OSBPL1A: variants seen among roughly 807,000 people sequenced by gnomAD.
OSBPL1A encodes oxysterol-binding protein-related protein 1.
A neutral mutation model predicts 137.1 loss-of-function variants in OSBPL1A; 80 were observed. The ratio of observed to expected loss-of-function variants is 0.58; its 90% confidence interval spans 0.49 to 0.70. OSBPL1A has a LOEUF of 0.70. Ranked by LOEUF, OSBPL1A falls within the 30% of genes least tolerant of loss-of-function variation. The pLI is 0.00. For missense variants in OSBPL1A, 970 were observed against 1,129.4 expected, an observed-to-expected ratio of 0.86 and a Z score of 2.02; for synonymous variants, 365 against 389.7, an observed-to-expected ratio of 0.94 and a Z score of 0.75.
At chr18:24,251,415 G>A (rs1211351953) in intron 15 of OSBPL1A, among the ~76,000 whole-genome samples, 4 of 152,314 alleles carry the variant, frequency 2.6e-5, no homozygotes, top group East Asian at 1.9e-4. Flanking sequence ...GAGAGAGAGA[G>A]ACTCTATTTG....
intron 15 of OSBPL1A, among the ~76,000 whole-genome samples, chr18:24,275,900 TG>T (rs1180187546): frequency 3.9e-5 from 6 of 152,088 alleles, no homozygotes; most frequent in Admixed American, 1.3e-4. Flanking sequence ...GCTAATTTTT[TG>T]TATTTTTAGT....
chr18:24,385,190 A>G lies in OSBPL1A; in HGVS notation c.-2-7655T>C, dbSNP rs566598730. ...AGGATGGTCTCTATCTCCTGACCTC[A>G]TGATCCGCCCGCCCCGGCCTCCCAA... On this transcript the variant is annotated intron_variant, in intron 1 of 27. Coordinates refer to ENST00000319481, the MANE Select transcript of OSBPL1A (RefSeq NM_080597.4). 3.5e-3 allele frequency among the ~76,000 whole-genome samples: 529 copies of G among 151,994 alleles called. 4 individuals are homozygous for G. Among genetic ancestry groups the G allele is most frequent in the African/African-American group, 0.012 (491 of 41,500 alleles).
At chr18:24,240,717 T>C (rs2088665975) in intron 15 of OSBPL1A, among the ~76,000 whole-genome samples, 2 of 152,194 alleles carry the variant, frequency 1.3e-5, no homozygotes, top group African/African-American at 2.4e-5. Flanking sequence ...ACTTTTTTTT[T>C]CTACTTTAGC....
intron 7 of OSBPL1A, among the ~76,000 whole-genome samples, chr18:24,323,011 C>G (rs930596928): frequency 2.0e-5 from 3 of 152,082 alleles, no homozygotes; most frequent in Non-Finnish European, 4.4e-5. Context: ...TGCCAATTCT[C>G]CTTAAATTAA....
chr18:24,318,665 A>G lies in OSBPL1A; in HGVS notation c.688-20T>C. On this transcript the variant is annotated intron_variant, in intron 8 of 27. Transcript: ENST00000319481. Reference sequence around the variant, plus strand: ...GATGACCTGTCAAAAACATGTTTTCATGAAAAATGCATCTACATATTTCAA... The same window carrying G: ...GATGACCTGTCAAAAACATGTTTTCGTGAAAAATGCATCTACATATTTCAA... 2 of 1,608,428 alleles carry G rather than the reference A, an allele frequency of 1.2e-6. No homozygotes were observed. Among genetic ancestry groups the G allele is most frequent in the South Asian group, 2.2e-5 (2 of 89,818 alleles).
chr18:24,347,209 T>G (rs918436165), intron 4 of OSBPL1A, among the ~76,000 whole-genome samples: 1 of 151,872 alleles, frequency 6.6e-6, no homozygotes, highest in Non-Finnish European at 1.5e-5. Context: ...ATGAGTCTTG[T>G]TCCGTCACCC....
At chr18:24,368,579 T>C (rs1905357596) in intron 2 of OSBPL1A, 1 of 501,332 alleles carries the variant, frequency 2.0e-6, no homozygotes. Context: ...TCTGACTCGA[T>C]GTCTTCACCT....
chr18:24,327,213 T>C (rs1484206402), intron 7 of OSBPL1A, among the ~76,000 whole-genome samples: 1 of 151,712 alleles, frequency 6.6e-6, no homozygotes, highest in Non-Finnish European at 1.5e-5. Flanking sequence ...GTTCAAGCGA[T>C]TCTCCTGCCA....
intron 4 of OSBPL1A, among the ~76,000 whole-genome samples, chr18:24,360,036 C>T (rs561409952): frequency 1.3e-5 from 2 of 152,304 alleles, no homozygotes; most frequent in Admixed American, 6.5e-5. Flanking sequence ...GGCGCGATCT[C>T]GGCTCACTGC....
At chr18:24,248,366 A>T (rs1489296846) in intron 15 of OSBPL1A, among the ~76,000 whole-genome samples, 1 of 152,212 alleles carries the variant, frequency 6.6e-6, no homozygotes, top group Non-Finnish European at 1.5e-5. Context: ...CACTAACTTG[A>T]TCAGCCCAAC....
chr18:24,218,879 A>G (rs1417583420), intron 17 of OSBPL1A, among the ~76,000 whole-genome samples: 2 of 152,312 alleles, frequency 1.3e-5, no homozygotes, highest in East Asian at 1.9e-4. Flanking sequence ...TCCATTACAC[A>G]ATGTGCGGTA....
rs1439267618 is a variant in OSBPL1A, at chr18:24,166,612, G to A, written c.2626C>T (p.Pro876Ser). The A allele has an allele frequency of 1.2e-6, 2 of 1,612,800 alleles. No homozygotes were observed. Among genetic ancestry groups the A allele is most frequent in the Admixed American group, 1.7e-5 (1 of 59,744 alleles). The change falls in exon 26 of 28, where the codon CCT becomes TCT. Residue 876 changes from proline to serine, a missense_variant. Around this residue, in one of 2 missense-constraint regions of OSBPL1A, gnomAD observed 323 missense variants for 456.8 expected, o/e 0.71. Coordinates refer to ENST00000319481, the MANE Select transcript of OSBPL1A (RefSeq NM_080597.4). ...VIPKTDCRLR[P>S]DIRAMENGEI... The stretch of plus-strand genomic sequence containing the variant: ...CCATTTTCCATGGCTCTGATGTCAG[G>A]CCGTAACCTGCAGTCTGTCTTGGGA...
chr18:24,360,924 G>A (rs1415098336), intron 4 of OSBPL1A, among the ~76,000 whole-genome samples: 1 of 152,166 alleles, frequency 6.6e-6, no homozygotes, highest in African/African-American at 2.4e-5. Context: ...GAATAAATGG[G>A]TAAATAATTA....
intron 13 of OSBPL1A, among the ~76,000 whole-genome samples, chr18:24,310,095 C>T (rs1301657639): frequency 6.7e-6 from 1 of 148,476 alleles, no homozygotes; most frequent in Non-Finnish European, 1.5e-5. Flanking sequence ...AATTAGCATT[C>T]AAACTCTGTT....
chr18:24,162,194 AATACT>A lies in OSBPL1A; in HGVS notation c.*980_*984del, dbSNP rs1346315250. On this transcript the variant is annotated 3_prime_UTR_variant, in exon 28 of 28. Coordinates refer to ENST00000319481, the MANE Select transcript of OSBPL1A (RefSeq NM_080597.4). ...TCTCAGTCTGGGGTTTGGGTGGATA[AATACT>A]ATAAGATTTAAGATGAATGTGCCCC... 1 of 152,230 alleles carries A rather than the reference AATACT, an allele frequency of 6.6e-6. No homozygotes were observed. 9.4% of individuals were successfully genotyped at this position (152,230 alleles called of 1,614,324 possible). A position where few individuals can be genotyped will look rare whatever the true frequency, so the allele number is the denominator to read the frequency against.
chr18:24,214,830 G>A (rs924254892), intron 17 of OSBPL1A, among the ~76,000 whole-genome samples: 3 of 152,198 alleles, frequency 2.0e-5, no homozygotes, highest in Non-Finnish European at 4.4e-5. Flanking sequence ...TAACAGAAGT[G>A]CCCTTCTGCA....
At position 24,310,046 on chromosome 18, in the gene OSBPL1A, C is replaced by CAA. The variant is rs56309417; in HGVS notation, c.1092+1936_1092+1937dup. 3.3e-3 allele frequency among the ~76,000 whole-genome samples: 302 copies of CAA among 90,526 alleles called. 1 individual carries two copies. Among genetic ancestry groups the CAA allele is most frequent in the African/African-American group, 5.7e-3 (125 of 21,904 alleles). 59.4% of individuals were successfully genotyped at this position (90,526 alleles called of 152,430 possible). On this transcript the variant is annotated intron_variant, in intron 13 of 27. Transcript: ENST00000319481. The stretch of plus-strand genomic sequence containing the variant: ...CGTGCAACAGAGCAAGACTCTGTCT[C>CAA]AAAAAAAAAAAAAAGAAAAAAAAAA...
intron 4 of OSBPL1A, chr18:24,347,647 G>C (rs2091367523): frequency 6.6e-6 from 1 of 151,890 alleles, no homozygotes; most frequent in African/African-American, 2.4e-5. Flanking sequence ...TTCGAGACCA[G>C]TCTGGCCAAT....
At chr18:24,350,992 C>A (rs1214481383) in intron 4 of OSBPL1A, among the ~76,000 whole-genome samples, 1 of 152,030 alleles carries the variant, frequency 6.6e-6, no homozygotes, top group East Asian at 1.9e-4. Context: ...AAGACATAAG[C>A]TCCAGAATGA....
Sources: allele counts gnomAD v4.1 joint callset (sites outside exome capture counted in the v4.1 genomes callset), GRCh38; gene constraint gnomAD v4.1.1; regional missense constraint gnomAD v4.1.1; transcripts MANE v1.5; gene names NCBI Gene and HGNC (gene_info 2026-07-23, HGNC 2026-07-21).